ADGRV1: variants seen among roughly 807,000 people sequenced by gnomAD.
ADGRV1 encodes the protein adhesion G protein-coupled receptor V1.
In ADGRV1, 359 loss-of-function variants were observed where a neutral mutation model predicts 596.2. That is an observed-to-expected ratio of 0.60 (90% CI 0.55 to 0.66). The LOEUF is 0.66. Ranked by LOEUF, ADGRV1 falls within the 30% of genes least tolerant of loss-of-function variation. ADGRV1 has a pLI of 0.00. For synonymous variants in ADGRV1, 2,681 were observed against 2,679.2 expected (o/e 1.00, Z -0.02); for missense variants, 7,274 against 7,575.6 (o/e 0.96, Z 1.48).
intron 83 of ADGRV1, among the ~76,000 whole-genome samples, chr5:90,902,376 A>G (rs989446764): frequency 6.6e-6 from 1 of 152,158 alleles, no homozygotes; most frequent in African/African-American, 2.4e-5. Flanking sequence ...TTAAGGAACC[A>G]AAGACCAGAC....
chr5:90,705,260 G>A, intron 36 of ADGRV1, 140 bp from the exon 37 acceptor site: 1 of 653,686 alleles, frequency 1.5e-6, no homozygotes, highest in East Asian at 2.6e-5. Context: ...ATGGAATGTG[G>A]CTTTTGTTAA....
intron 9 of ADGRV1, among the ~76,000 whole-genome samples, chr5:90,634,226 G>A (rs1027489068): frequency 6.6e-6 from 1 of 152,158 alleles, no homozygotes; most frequent in Non-Finnish European, 1.5e-5. Context: ...TATTTAAGAC[G>A]TTGAATGTTT....
chr5:90,855,023 T>G (rs1233693579), intron 81 of ADGRV1, among the ~76,000 whole-genome samples: 6 of 152,128 alleles, frequency 3.9e-5, no homozygotes, highest in African/African-American at 1.4e-4. Flanking sequence ...TAATAATGAA[T>G]GTTTCAAGCT....
chr5:90,841,634 C>T (rs1165708795), intron 78 of ADGRV1, among the ~76,000 whole-genome samples: 1 of 151,680 alleles, frequency 6.6e-6, no homozygotes, highest in Non-Finnish European at 1.5e-5. Context: ...AAAGTTATTA[C>T]TTAAAAAAAA....
At chr5:90,975,395 T>A (rs1421254911) in intron 84 of ADGRV1, among the ~76,000 whole-genome samples, 1 of 152,158 alleles carries the variant, frequency 6.6e-6, no homozygotes, top group East Asian at 1.9e-4. Flanking sequence ...TAAAGACACA[T>A]GCACGTGTAT....
At chr5:91,148,669 C>G (rs1484404124) in intron 87 of ADGRV1, among the ~76,000 whole-genome samples, 1 of 152,196 alleles carries the variant, frequency 6.6e-6, no homozygotes, top group Non-Finnish European at 1.5e-5. Flanking sequence ...AGAGTCCCCA[C>G]TGGGGCACTG....
At chr5:90,600,557 A>G (rs997800406) in intron 1 of ADGRV1, among the ~76,000 whole-genome samples, 1 of 152,146 alleles carries the variant, frequency 6.6e-6, no homozygotes, top group Admixed American at 6.5e-5. Context: ...TCTATCATTG[A>G]TGGACATTTG....
intron 81 of ADGRV1, 95 bp from the exon 82 acceptor site, chr5:90,855,646 C>A: frequency 1.2e-6 from 1 of 800,516 alleles, no homozygotes; most frequent in Non-Finnish European, 2.0e-6. Context: ...GAGCAAAGAA[C>A]ACTTAATTTC....
chr5:91,136,225 T>TC (rs1490397933), intron 87 of ADGRV1, among the ~76,000 whole-genome samples: 1 of 151,970 alleles, frequency 6.6e-6, no homozygotes, highest in South Asian at 2.1e-4. Context: ...CATTAACACC[T>TC]CCCCCATTGC....
chr5:90,713,871 A>G (rs1229042150), intron 42 of ADGRV1, among the ~76,000 whole-genome samples: 1 of 152,134 alleles, frequency 6.6e-6, no homozygotes, highest in African/African-American at 2.4e-5. Context: ...TTATATTTGT[A>G]ATTTTCTATT....
intron 85 of ADGRV1, among the ~76,000 whole-genome samples, chr5:91,014,080 C>G (rs1037196039): frequency 8.3e-5 from 12 of 143,980 alleles, no homozygotes; most frequent in African/African-American, 2.9e-4. Flanking sequence ...TGTTTTTATA[C>G]CAGTACCATG....
At chr5:90,584,139 T>C (rs6862493) in intron 1 of ADGRV1, among the ~76,000 whole-genome samples, 13,575 of 152,184 alleles carry the variant, frequency 0.089, 1,904 homozygotes, top group African/African-American at 0.3. Flanking sequence ...AGATGGTTAT[T>C]GGGAGGATTA....
intron 85 of ADGRV1, among the ~76,000 whole-genome samples, chr5:91,020,678 A>G (rs752615134): frequency 6.6e-6 from 1 of 152,022 alleles, no homozygotes. Flanking sequence ...ATCCATCAAG[A>G]TGGCTTTAAG....
intron 53 of ADGRV1, 34 bp downstream of exon 53, chr5:90,750,731 T>A (rs1023648630): frequency 6.4e-7 from 1 of 1,567,536 alleles, no homozygotes; most frequent in African/African-American, 1.4e-5. Flanking sequence ...GAAACACTTT[T>A]AAATTATGGT....
chr5:90,784,980 T>G (rs2139191), intron 67 of ADGRV1, among the ~76,000 whole-genome samples: 99,862 of 151,956 alleles, frequency 0.66, 33,863 homozygotes, highest in East Asian at 0.83. Flanking sequence ...TAAGCAAAAA[T>G]AACAAAGCTG....
At position 91,000,836 on chromosome 5, in the gene ADGRV1, A is replaced by T. The variant is rs553559773; in HGVS notation, c.18152+15314A>T. On this transcript the variant is annotated intron_variant, in intron 85 of 89. Coordinates refer to ENST00000405460, the MANE Select transcript of ADGRV1 (RefSeq NM_032119.4). ...TCAATTTGAGTACAAGGGCAGGAAAAAAAAATGATGTCCCAGTTTGAAGGC... is the reference window on the plus strand; with the variant it reads ...TCAATTTGAGTACAAGGGCAGGAAATAAAAATGATGTCCCAGTTTGAAGGC... Among the ~76,000 whole-genome samples, 4 of 152,134 alleles carry T rather than the reference A, an allele frequency of 2.6e-5. No individual in the cohort carries two copies. In the South Asian group the frequency reaches 8.3e-4, roughly 32 times the overall value.
chr5:90,919,058 A>G (rs1055507884), intron 83 of ADGRV1, among the ~76,000 whole-genome samples: 2 of 152,238 alleles, frequency 1.3e-5, no homozygotes, highest in African/African-American at 4.8e-5. Context: ...TTTTCTGGCA[A>G]TACATAAAAC....
chr5:90,674,330 T>G (rs988860816), intron 23 of ADGRV1, 96 bp downstream of exon 23: 13 of 852,386 alleles, frequency 1.5e-5, no homozygotes, highest in Admixed American at 3.4e-5. Flanking sequence ...ATGACGGAAG[T>G]AGAATGCCTT....
chr5:91,076,881 T>C (rs2126469002), intron 86 of ADGRV1, among the ~76,000 whole-genome samples: 1 of 152,216 alleles, frequency 6.6e-6, no homozygotes, highest in Non-Finnish European at 1.5e-5. Flanking sequence ...TTAATTATAC[T>C]TTAAGTTCTA....
Sources: allele counts gnomAD v4.1 joint callset (sites outside exome capture counted in the v4.1 genomes callset), GRCh38; gene constraint gnomAD v4.1.1; transcripts MANE v1.5; gene names NCBI Gene and HGNC (gene_info 2026-07-23, HGNC 2026-07-21).